Variants in MYO1D observed in about 807,000 individuals in gnomAD.
MYO1D encodes the protein unconventional myosin-Id.
In MYO1D, 83 loss-of-function variants were observed where a neutral mutation model predicts 122.0. That is an observed-to-expected ratio of 0.68 (90% confidence interval 0.57 to 0.82). MYO1D has a LOEUF of 0.82. Ranked by LOEUF, MYO1D falls within the 40% of genes least tolerant of loss-of-function variation. The pLI, the probability that MYO1D is intolerant of heterozygous loss-of-function variation, is 0.00. For synonymous variants in MYO1D, 464 were observed against 446.9 expected (o/e 1.04, Z -0.48); for missense variants, 1,157 against 1,269.5 (o/e 0.91, Z 1.35).
chr17:32,735,716 A>G (rs1358668446), intron 14 of MYO1D, among the ~76,000 whole-genome samples: 2 of 151,898 alleles, frequency 1.3e-5, no homozygotes, highest in Non-Finnish European at 2.9e-5. Flanking sequence ...TTCTTTATAG[A>G]ATTTACAAGA....
At position 32,513,677 on chromosome 17, in the gene MYO1D, A is replaced by G. The variant is rs532143128; in HGVS notation, c.2865-18762T>C. Among the ~76,000 whole-genome samples the G allele has an allele frequency of 1.1e-4, 16 of 152,338 alleles. 1 individual carries two copies. Among genetic ancestry groups the G allele is most frequent in the African/African-American group, 3.8e-4 (16 of 41,580 alleles). ...ATTCTATTATAAAATCAGCACTTAC[A>G]ATATTACAGTGATGCTGTGCTATAT... is the stretch of plus-strand genomic sequence containing the variant. On this transcript the variant is annotated intron_variant, in intron 21 of 21. Coordinates refer to ENST00000318217, the MANE Select transcript of MYO1D (RefSeq NM_015194.3).
At chr17:32,595,884 T>C (rs1597918353) in intron 21 of MYO1D, among the ~76,000 whole-genome samples, 1 of 152,080 alleles carries the variant, frequency 6.6e-6, no homozygotes, top group African/African-American at 2.4e-5. Context: ...TGGGACAGGG[T>C]GAATTGCTAT....
chr17:32,842,780 G>GA (rs576913812), intron 1 of MYO1D, among the ~76,000 whole-genome samples: 543 of 152,084 alleles, frequency 3.6e-3, no homozygotes, highest in Admixed American at 6.4e-3. Flanking sequence ...TTTCTTCTAG[G>GA]AAAGTCTCTA....
intron 1 of MYO1D, among the ~76,000 whole-genome samples, chr17:32,787,199 T>C (rs1376196787): frequency 6.6e-6 from 1 of 152,082 alleles, no homozygotes; most frequent in Non-Finnish European, 1.5e-5. Flanking sequence ...GAATGGACAC[T>C]GCTGAAAATA....
At chr17:32,505,166 G>A (rs1259244880) in intron 21 of MYO1D, 1 of 152,374 alleles carries the variant, frequency 6.6e-6, no homozygotes, top group Admixed American at 6.5e-5. Context: ...CCTGCCAATA[G>A]CTCTGCCATC....
At chr17:32,654,266 T>C (rs2088440411) in intron 18 of MYO1D, among the ~76,000 whole-genome samples, 1 of 152,248 alleles carries the variant, frequency 6.6e-6, no homozygotes, top group African/African-American at 2.4e-5. Context: ...GTGTATTTAA[T>C]ACATATGGAT....
chr17:32,873,874 G>A lies in MYO1D; in HGVS notation c.95+2904C>T, dbSNP rs1412244309. Among the ~76,000 whole-genome samples the A allele has an allele frequency of 2.0e-5, 3 of 152,178 alleles. No individual in the cohort carries two copies. In the East Asian group the frequency reaches 5.8e-4, roughly 29 times the overall value. ...GAATGATGTGGAGATTGGGTATAAA[G>A]GTAGACCTAAAAACCTGGGCCTTAG... On this transcript the variant is annotated intron_variant, in intron 1 of 21. Transcript: ENST00000318217.
chr17:32,565,285 T>C (rs1263781433), intron 21 of MYO1D, among the ~76,000 whole-genome samples: 2 of 152,152 alleles, frequency 1.3e-5, no homozygotes, highest in Non-Finnish European at 2.9e-5. Context: ...ATTATAGGCG[T>C]GAGCCACCAC....
chr17:32,867,364 A>G (rs2091136368), intron 1 of MYO1D, among the ~76,000 whole-genome samples: 1 of 151,580 alleles, frequency 6.6e-6, no homozygotes, highest in South Asian at 2.1e-4. Context: ...TATTCATTTG[A>G]GCTCAATCAT....
At chr17:32,723,726 C>T (rs78810299) in intron 14 of MYO1D, among the ~76,000 whole-genome samples, 2,221 of 152,230 alleles carry the variant, frequency 0.015, 43 homozygotes, top group African/African-American at 0.048. Context: ...TCCAGGCACG[C>T]CATTTGAGTG....
chr17:32,592,435 G>A (rs1337598718), intron 21 of MYO1D, among the ~76,000 whole-genome samples: 3 of 152,146 alleles, frequency 2.0e-5, no homozygotes, highest in Non-Finnish European at 4.4e-5. Context: ...ATGTTGTTGT[G>A]TAGAGTTATT....
At position 32,700,559 on chromosome 17, in the gene MYO1D, A is replaced by G. The variant is rs1598020727; in HGVS notation, c.2121+11429T>C. Among the ~76,000 whole-genome samples, 2 of 152,364 alleles carry G rather than the reference A, an allele frequency of 1.3e-5. 1 individual carries two copies. The highest frequency in any genetic ancestry group is 6.8e-3 in the Middle Eastern group (2 of 294). ...AAAACTGAACGAAGTGTTCAACTCC[A>G]GAAGTTGGAGAAAGATAAACTGATT... is the stretch of plus-strand genomic sequence containing the variant. On this transcript the variant is annotated intron_variant, in intron 16 of 21. Transcript: ENST00000318217.
intron 15 of MYO1D, among the ~76,000 whole-genome samples, chr17:32,712,469 G>A (rs9906030): frequency 0.043 from 6,512 of 152,176 alleles, 471 homozygotes; most frequent in African/African-American, 0.15. Flanking sequence ...TCATAAAGGG[G>A]TAACCTTAGA....
At chr17:32,793,323 T>TTA (rs1555542846) in intron 1 of MYO1D, among the ~76,000 whole-genome samples, 2 of 151,014 alleles carry the variant, frequency 1.3e-5, no homozygotes, top group African/African-American at 4.9e-5. Context: ...TTTTTTTTTT[T>TTA]AAACTTATTC....
At chr17:32,787,341 G>C (rs902745293) in intron 1 of MYO1D, among the ~76,000 whole-genome samples, 1 of 151,904 alleles carries the variant, frequency 6.6e-6, no homozygotes, top group African/African-American at 2.4e-5. Flanking sequence ...GTTTACATGG[G>C]TAAGTTCTTT....
chr17:32,576,641 G>A (rs1187206808), intron 21 of MYO1D, among the ~76,000 whole-genome samples: 1 of 152,040 alleles, frequency 6.6e-6, no homozygotes, highest in Non-Finnish European at 1.5e-5. Flanking sequence ...TTTAAAAAGG[G>A]TCATTTATTT....
At chr17:32,754,614 C>A (rs532847037) in intron 11 of MYO1D, among the ~76,000 whole-genome samples, 1 of 152,182 alleles carries the variant, frequency 6.6e-6, no homozygotes, top group East Asian at 1.9e-4. Flanking sequence ...ACTTTATTCA[C>A]ACTAAAAAAT....
chr17:32,808,210 C>CA (rs371635223), intron 1 of MYO1D, among the ~76,000 whole-genome samples: 1 of 151,574 alleles, frequency 6.6e-6, no homozygotes, highest in Non-Finnish European at 1.5e-5. Context: ...CTTGTCTCCG[C>CA]AAAAAAATTT....
At chr17:32,760,661 A>G (rs749621652) in intron 8 of MYO1D, 34 bp from the exon 9 acceptor site, 25 of 1,582,732 alleles carry the variant, frequency 1.6e-5, no homozygotes, top group South Asian at 1.3e-4. Flanking sequence ...ATGCTTGCCA[A>G]TTTGGGAATG....
Sources: allele counts gnomAD v4.1 joint callset (sites outside exome capture counted in the v4.1 genomes callset), GRCh38; gene constraint gnomAD v4.1.1; transcripts MANE v1.5; gene names NCBI Gene and HGNC (gene_info 2026-07-23, HGNC 2026-07-21).